Variants in ETV1 observed in about 807,000 individuals in gnomAD.
The protein encoded by ETV1 is ETS translocation variant 1.
A neutral mutation model predicts 62.3 loss-of-function variants in ETV1; 27 were observed. The observed-to-expected ratio is 0.43, with a 90% CI of 0.32 to 0.60. The LOEUF is 0.60. Among genes scored for constraint, ETV1 ranks in the 20% least tolerant of loss-of-function variants. The pLI is 0.06. For missense variants in ETV1, 605 were observed against 605.8 expected, an observed-to-expected ratio of 1.00 and a Z score of 0.01; for synonymous variants, 222 against 199.6, an observed-to-expected ratio of 1.11 and a Z score of -0.94.
intron 6 of ETV1, among the ~76,000 whole-genome samples, chr7:13,969,448 T>G (rs1350446511): frequency 6.6e-6 from 1 of 152,230 alleles, no homozygotes; most frequent in African/African-American, 2.4e-5. Context: ...TATATGGGTA[T>G]GAATGGCAAG....
At chr7:13,936,813 G>C (rs182978606) in intron 7 of ETV1, among the ~76,000 whole-genome samples, 1 of 152,032 alleles carries the variant, frequency 6.6e-6, no homozygotes, top group East Asian at 1.9e-4. Flanking sequence ...GGCTGAGGTG[G>C]GAGGATCGCT....
chr7:13,909,595 A>G (rs374513803), intron 11 of ETV1, 37 bp downstream of exon 11: 2 of 1,501,204 alleles, frequency 1.3e-6, no homozygotes, highest in Admixed American at 3.4e-5. Flanking sequence ...CTCCATCTTT[A>G]AAAAAATCAG....
intron 3 of ETV1, chr7:13,988,627 A>G: frequency 6.5e-7 from 1 of 1,533,538 alleles, no homozygotes; most frequent in Non-Finnish European, 8.7e-7. Flanking sequence ...TGAGAAAAAA[A>G]AAAGAAACAA....
chr7:13,968,965 T>C (rs1428149328), intron 6 of ETV1, among the ~76,000 whole-genome samples: 2 of 152,188 alleles, frequency 1.3e-5, no homozygotes, highest in East Asian at 3.9e-4. Flanking sequence ...TTCATTTTGA[T>C]TTAAAAAATG....
In ETV1 at chr7:13,955,429, A is replaced by G. The variant is rs1055292594; in HGVS notation, c.236-16183T>C. ...TCCTTTTTTAATTTCTTAACAATAA[A>G]ATAAATATTAACTTAAAAACATTTA... On this transcript the variant is annotated intron_variant, in intron 6 of 13. Transcript: ENST00000430479. 3.9e-5 allele frequency among the ~76,000 whole-genome samples: 6 copies of G among 152,286 alleles called. No homozygotes were observed. The South Asian group carries it at 1.2e-3, about 32-fold the overall frequency.
chr7:13,908,693 G>C (rs1380697748), intron 11 of ETV1, among the ~76,000 whole-genome samples: 2 of 152,050 alleles, frequency 1.3e-5, no homozygotes, highest in East Asian at 3.9e-4. Flanking sequence ...GTAGCACAAA[G>C]CTCGGGAACA....
At chr7:13,983,960 T>C (rs1264263249) in intron 5 of ETV1, among the ~76,000 whole-genome samples, 1 of 151,826 alleles carries the variant, frequency 6.6e-6, no homozygotes, top group Non-Finnish European at 1.5e-5. Flanking sequence ...CCATAATAAT[T>C]ACCCATGACT....
At chr7:13,973,473 A>G (rs139706777) in intron 6 of ETV1, among the ~76,000 whole-genome samples, 1 of 152,292 alleles carries the variant, frequency 6.6e-6, no homozygotes, top group East Asian at 1.9e-4. Flanking sequence ...AATATTTGAT[A>G]AACTTCTGCA....
In ETV1 at chr7:13,895,765, TA is replaced by T; in HGVS notation, c.*100del. On this transcript the variant is annotated 3_prime_UTR_variant, in exon 14 of 14. Transcript: ENST00000430479. ...CTTTTTGTGTATTATTATTTAAAAATAAAATACAAACAACAGAAATAAAACA... is the reference window on the plus strand; with the variant it reads ...CTTTTTGTGTATTATTATTTAAAAATAAATACAAACAACAGAAATAAAACA... 1.2e-6 allele frequency: 1 copy of T among 822,228 alleles called. No homozygotes were observed. The highest frequency in any genetic ancestry group is 1.7e-5 in the African/African-American group (1 of 57,802). 50.9% of individuals were successfully genotyped at this position (822,228 alleles called of 1,614,324 possible).
intron 9 of ETV1, among the ~76,000 whole-genome samples, chr7:13,931,197 A>G (rs1786103402): frequency 6.6e-6 from 1 of 152,038 alleles, no homozygotes; most frequent in Non-Finnish European, 1.5e-5. Context: ...GAAGAAAAAA[A>G]AGTACAGAAT....
intron 6 of ETV1, among the ~76,000 whole-genome samples, chr7:13,951,542 C>A (rs893452954): frequency 3.9e-5 from 6 of 152,090 alleles, no homozygotes; most frequent in African/African-American, 1.4e-4. Flanking sequence ...TGTTATTATT[C>A]AAACCCAGAA....
intron 4 of ETV1, among the ~76,000 whole-genome samples, chr7:13,987,248 G>A (rs17739245): frequency 0.056 from 8,391 of 150,878 alleles, 309 homozygotes; most frequent in Non-Finnish European, 0.093. Flanking sequence ...ATAAAAGTCA[G>A]AAAGATAATT....
Position 13,895,779 on chromosome 7 carries a change from C to G in ETV1, c.*87G>C. The G allele has an allele frequency of 1.1e-6, 1 of 886,242 alleles. No individual in the cohort carries two copies. Among genetic ancestry groups the G allele is most frequent in the Non-Finnish European group, 1.8e-6 (1 of 566,044 alleles). The allele number at this position is 886,242 out of a possible 1,614,324, so 54.9% of individuals were successfully genotyped here. On this transcript the variant is annotated 3_prime_UTR_variant, in exon 14 of 14. Coordinates refer to ENST00000430479, the MANE Select transcript of ETV1 (RefSeq NM_004956.5). Reference sequence around the variant, plus strand: ...TTATTTAAAAATAAAATACAAACAACAGAAATAAAACAAAGATTCAGCAAT... The same window carrying G: ...TTATTTAAAAATAAAATACAAACAAGAGAAATAAAACAAAGATTCAGCAAT...
intron 5 of ETV1, chr7:13,986,368 T>G: frequency 1.3e-6 from 2 of 1,488,410 alleles, no homozygotes; most frequent in Non-Finnish European, 1.8e-6. Context: ...GCTTAGAACT[T>G]GAAGTCTTGG....
Position 13,909,697 on chromosome 7 carries a change from C to T in ETV1, c.875G>A (p.Cys292Tyr). ...FLAHPSRTEG[C>Y]MFEKGPRQFY... The stretch of plus-strand genomic sequence containing the variant: ...CTGCCTGGGGCCCTTTTCAAACATA[C>T]AGCCTGTGGATGAAAAAGGAATACA... The change falls in exon 11 of 14, where the codon TGT becomes TAT. Residue 292 changes from cysteine (C) to tyrosine (Y), a missense_variant. Cys to Tyr is a radical substitution (Grantham distance 194). Transcript: ENST00000430479. 1.2e-6 allele frequency: 2 copies of T among 1,611,232 alleles called. No homozygotes were observed. Among genetic ancestry groups the T allele is most frequent in the Middle Eastern group, 1.7e-4 (1 of 6,050 alleles).
chr7:13,922,250 G>A (rs967563256), intron 9 of ETV1, among the ~76,000 whole-genome samples: 8 of 152,154 alleles, frequency 5.3e-5, no homozygotes, highest in African/African-American at 1.7e-4. Flanking sequence ...ATAGACTGTT[G>A]TGGTTGCTGA....
chr7:13,972,585 G>A (rs941872013), intron 6 of ETV1, among the ~76,000 whole-genome samples: 5 of 152,140 alleles, frequency 3.3e-5, no homozygotes, highest in African/African-American at 1.2e-4. Flanking sequence ...TCCTTTTTGA[G>A]AAGATACACT....
chr7:13,901,204 C>A (rs6461055), intron 12 of ETV1, among the ~76,000 whole-genome samples: 2,858 of 152,178 alleles, frequency 0.019, 84 homozygotes, highest in African/African-American at 0.06. Context: ...GGGGTTTCAC[C>A]ATGTTGGCCA....
chr7:13,953,938 C>T (rs1475366228), intron 6 of ETV1, among the ~76,000 whole-genome samples: 1 of 152,168 alleles, frequency 6.6e-6, no homozygotes, highest in East Asian at 1.9e-4. Context: ...TAAATATGAT[C>T]TTTAATTTTC....
Sources: allele counts gnomAD v4.1 joint callset (sites outside exome capture counted in the v4.1 genomes callset), GRCh38; gene constraint gnomAD v4.1.1; transcripts MANE v1.5; gene names NCBI Gene and HGNC (gene_info 2026-07-23, HGNC 2026-07-21).